CECR2: variants seen among roughly 807,000 people sequenced by gnomAD.
The protein encoded by CECR2 is chromatin remodeling regulator CECR2.
In CECR2, 30 loss-of-function variants were observed where a neutral mutation model predicts 154.5. The ratio of observed to expected loss-of-function variants is 0.19; its 90% CI spans 0.15 to 0.26. The LOEUF is 0.26. Among genes scored for constraint, CECR2 ranks in the 10% least tolerant of loss-of-function variants. CECR2 has a pLI of 1.00. For synonymous variants in CECR2, 725 were observed against 683.7 expected (o/e 1.06, Z -0.94); for missense variants, 1,743 against 1,829.3 (o/e 0.95, Z 0.86).
At chr22:17,451,127 A>G (rs754173068) in intron 1 of CECR2, among the ~76,000 whole-genome samples, 4 of 152,238 alleles carry the variant, frequency 2.6e-5, no homozygotes, top group Non-Finnish European at 5.9e-5. Context: ...TCTACCTGAA[A>G]GAAAGAAGCT....
intron 1 of CECR2, among the ~76,000 whole-genome samples, chr22:17,465,846 T>C (rs1248137112): frequency 2.0e-5 from 3 of 152,114 alleles, no homozygotes; most frequent in East Asian, 1.9e-4. Context: ...CTTGAACTCC[T>C]GTCCTCAAGC....
chr22:17,364,238 G>A (rs1253275776), intron 1 of CECR2, among the ~76,000 whole-genome samples: 4 of 151,132 alleles, frequency 2.6e-5, no homozygotes, highest in Non-Finnish European at 4.4e-5. Flanking sequence ...AGCTACTCCG[G>A]AGGCTGAGGC....
intron 1 of CECR2, among the ~76,000 whole-genome samples, chr22:17,440,225 TG>T (rs1252686769): frequency 1.3e-5 from 2 of 151,956 alleles, no homozygotes; most frequent in Admixed American, 6.6e-5. Context: ...GTGTGTGTTG[TG>T]GGGGGTATCT....
intron 2 of CECR2, among the ~76,000 whole-genome samples, chr22:17,496,417 A>C (rs1034233853): frequency 6.6e-6 from 1 of 151,558 alleles, no homozygotes; most frequent in African/African-American, 2.4e-5. Flanking sequence ...GGAGAATGGC[A>C]TGAACCCGGG....
At chr22:17,512,086 C>T (rs1341330986) in intron 8 of CECR2, among the ~76,000 whole-genome samples, 190 bp downstream of exon 8, 1 of 152,194 alleles carries the variant, frequency 6.6e-6, no homozygotes, top group Non-Finnish European at 1.5e-5. Flanking sequence ...AGGCCACACT[C>T]TGGTTCTGAC....
chr22:17,408,957 A>G (rs1189847505), intron 1 of CECR2, among the ~76,000 whole-genome samples: 4 of 152,150 alleles, frequency 2.6e-5, no homozygotes, highest in Non-Finnish European at 4.4e-5. Context: ...CTTTAGCTGT[A>G]TCAGCTTTCT....
At chr22:17,364,634 C>T (rs556361560), upstream of CECR2, among the ~76,000 whole-genome samples, 14 of 151,830 alleles carry the variant, frequency 9.2e-5, no homozygotes, top group Non-Finnish European at 1.5e-4. Context: ...TCACAAGGTT[C>T]GGAGTTCCAG....
intron 1 of CECR2, among the ~76,000 whole-genome samples, chr22:17,426,717 C>G (rs764316085): frequency 6.6e-6 from 1 of 152,092 alleles, no homozygotes; most frequent in Non-Finnish European, 1.5e-5. Flanking sequence ...TTGGAGAAAC[C>G]AGGTTTCTCT....
chr22:17,502,017 A>T (rs887337719), intron 5 of CECR2, among the ~76,000 whole-genome samples: 1 of 152,252 alleles, frequency 6.6e-6, no homozygotes, highest in Non-Finnish European at 1.5e-5. Flanking sequence ...GATAATGCCA[A>T]TATAGAACAT....
chr22:17,450,765 A>C (rs1391723837), intron 1 of CECR2, among the ~76,000 whole-genome samples: 4 of 152,142 alleles, frequency 2.6e-5, no homozygotes. Flanking sequence ...GCATCTTTCA[A>C]CTGAAATTTT....
At chr22:17,490,465 T>C (rs2055507431) in intron 2 of CECR2, among the ~76,000 whole-genome samples, 1 of 152,034 alleles carries the variant, frequency 6.6e-6, no homozygotes, top group African/African-American at 2.4e-5. Context: ...GATGGCGTCT[T>C]GCTCTGTCAC....
intron 1 of CECR2, among the ~76,000 whole-genome samples, chr22:17,440,678 G>A (rs1456905708): frequency 6.6e-6 from 1 of 152,118 alleles, no homozygotes; most frequent in South Asian, 2.1e-4. Context: ...ATATAGCAAA[G>A]TGATGTAAGA....
chr22:17,494,423 C>G (rs113160453), intron 2 of CECR2, among the ~76,000 whole-genome samples: 2 of 152,164 alleles, frequency 1.3e-5, no homozygotes, highest in Non-Finnish European at 2.9e-5. Context: ...CTACTCTTTG[C>G]CCGGCTCCTC....
intron 7 of CECR2, among the ~76,000 whole-genome samples, chr22:17,510,026 C>G (rs1211373404): frequency 2.0e-5 from 3 of 152,130 alleles, no homozygotes. Flanking sequence ...ACTGGTAGAG[C>G]TTGTTGCTCA....
intron 1 of CECR2, among the ~76,000 whole-genome samples, chr22:17,464,430 A>G (rs5747184): frequency 0.12 from 17,890 of 152,078 alleles, 1,378 homozygotes; most frequent in African/African-American, 0.22. Flanking sequence ...TCTTGGCCCA[A>G]TTCAGTTAAT....
intron 1 of CECR2, among the ~76,000 whole-genome samples, chr22:17,404,095 T>G (rs937437190): frequency 1.3e-5 from 2 of 151,568 alleles, no homozygotes; most frequent in Admixed American, 6.6e-5. Flanking sequence ...CCGTCTCTGC[T>G]AAAAATAACA....
intron 6 of CECR2, 150 bp downstream of exon 6, chr22:17,503,281 C>A: frequency 1.5e-6 from 1 of 661,380 alleles, no homozygotes; most frequent in Non-Finnish European, 2.6e-6. Context: ...TTCTCCTCCT[C>A]ACACCTTATC....
intron 1 of CECR2, among the ~76,000 whole-genome samples, chr22:17,469,688 T>G (rs752934496): frequency 6.6e-6 from 1 of 152,176 alleles, no homozygotes; most frequent in Non-Finnish European, 1.5e-5. Context: ...TCCAGATTTC[T>G]TCTTGATTGG....
At chr22:17,400,269 C>T (rs1024748306) in intron 1 of CECR2, among the ~76,000 whole-genome samples, 1 of 152,084 alleles carries the variant, frequency 6.6e-6, no homozygotes, top group African/African-American at 2.4e-5. Context: ...CTGTTATATG[C>T]CAAAATCAGA....
Sources: allele counts gnomAD v4.1 joint callset (sites outside exome capture counted in the v4.1 genomes callset), GRCh38; gene constraint gnomAD v4.1.1; transcripts MANE v1.5; gene names NCBI Gene and HGNC (gene_info 2026-07-23, HGNC 2026-07-21).